TUBB6: variants seen among roughly 807,000 people sequenced by gnomAD.
TUBB6 encodes the protein tubulin beta 6 class V, also known as tubulin beta-6 chain.
TUBB6 carries 18 observed loss-of-function variants against 32.3 expected under a neutral mutation model. The ratio of observed to expected loss-of-function variants is 0.56; its 90% CI spans 0.39 to 0.83. TUBB6 has a LOEUF of 0.83. Ranked by LOEUF, TUBB6 falls within the 40% of genes least tolerant of loss-of-function variation. TUBB6 has a pLI of 0.00. For missense variants in TUBB6, 480 were observed against 632.0 expected, an observed-to-expected ratio of 0.76 and a Z score of 2.58; for synonymous variants, 280 against 265.8, an observed-to-expected ratio of 1.05 and a Z score of -0.52.
At chr18:12,308,544 C>T in intron 1 of TUBB6, 143 bp from the exon 2 acceptor site, 1 of 750,964 alleles carries the variant, frequency 1.3e-6, no homozygotes, top group African/African-American at 1.8e-5. Flanking sequence ...CTTCGCTCCC[C>T]ACCCCCATCC....
chr18:12,308,788 G>GTCA lies in TUBB6; in HGVS notation c.162_164dup (p.Ser56dup). ...AGAGAATCAACGTCTACTACAATGA[G>GTCA]TCATCGTGTGAGTAGCAAGGCCGCC... On this transcript the variant is annotated inframe_insertion, in exon 2 of 4. Coordinates refer to ENST00000317702, the MANE Select transcript of TUBB6 (RefSeq NM_032525.3). 1 of 1,602,494 alleles carries GTCA rather than the reference G, an allele frequency of 6.2e-7. No individual in the cohort carries two copies. Among genetic ancestry groups the GTCA allele is most frequent in the Non-Finnish European group, 8.5e-7 (1 of 1,169,812 alleles).
intron 1 of TUBB6, 123 bp downstream of exon 1, chr18:12,308,472 C>A: frequency 2.2e-6 from 2 of 895,790 alleles, no homozygotes; most frequent in Non-Finnish European, 3.0e-6. Context: ...GAGCCCGGTG[C>A]GGACCCGCGA....
downstream of TUBB6, chr18:12,329,634 G>A (rs752423559): frequency 9.3e-6 from 15 of 1,613,982 alleles, no homozygotes; most frequent in Admixed American, 1.7e-5. Context: ...AGTCCTTAAG[G>A]CCTTCTGGAA....
chr18:12,308,151 CG>C, upstream of TUBB6: 1 of 343,206 alleles, frequency 2.9e-6, no homozygotes, highest in Non-Finnish European at 4.1e-6. Context: ...CGAGCGGGGG[CG>C]GCGGGGCGGG....
chr18:12,308,880 C>T, intron 2 of TUBB6, 85 bp downstream of exon 2: 1 of 906,146 alleles, frequency 1.1e-6, no homozygotes, highest in Non-Finnish European at 1.8e-6. Context: ...GAGTTTGCTT[C>T]GGGAAAAGTT....
At position 12,308,308 on chromosome 18, in the gene TUBB6, C is replaced by T; in HGVS notation, c.16C>T (p.His6Tyr). 6.7e-7 allele frequency: 1 copy of T among 1,481,958 alleles called. No homozygotes were observed. The allele number at this position is 1,481,958 out of a possible 1,614,324, so 91.8% of individuals were successfully genotyped here. A position where few individuals can be genotyped will look rare whatever the true frequency, so the allele number is the denominator to read the frequency against. The change falls in exon 1 of 4, where the codon CAC becomes TAC. Residue 6 changes from histidine to tyrosine, a missense_variant. Coordinates refer to ENST00000317702, the MANE Select transcript of TUBB6 (RefSeq NM_032525.3). The part of the protein sequence containing the change: MREIV[H>Y]IQAGQCGNQI... ...CGCGCCCGCCATGAGGGAGATCGTG[C>T]ACATCCAGGCGGGCCAGTGCGGGAA...
At chr18:12,313,364 A>C (rs996093046) in intron 3 of TUBB6, among the ~76,000 whole-genome samples, 9 of 152,222 alleles carry the variant, frequency 5.9e-5, no homozygotes, top group Non-Finnish European at 1.2e-4. Context: ...TAGCACTTAC[A>C]AGACTTCAGT....
At chr18:12,329,153 G>A (rs1455647243), downstream of TUBB6, 1 of 702,872 alleles carries the variant, frequency 1.4e-6, no homozygotes, top group Non-Finnish European at 2.6e-6. Context: ...CAGCCCATCT[G>A]CACAGGGGAA....
chr18:12,308,272 T>A lies in TUBB6; in HGVS notation c.-21T>A. 7.0e-7 allele frequency: 1 copy of A among 1,431,970 alleles called. No homozygotes were observed. The highest frequency in any genetic ancestry group is 9.2e-7 in the Non-Finnish European group (1 of 1,086,784). The allele number at this position is 1,431,970 out of a possible 1,614,324, so 88.7% of individuals were successfully genotyped here. On this transcript the variant is annotated 5_prime_UTR_variant, in exon 1 of 4. Transcript: ENST00000317702. ...CGCTGTCGTCCGCAGAGCCAGTTCC[T>A]AGCGCAGAGCCGCGCCCGCCATGAG...
downstream of TUBB6, among the ~76,000 whole-genome samples, chr18:12,326,860 T>C (rs1347242498): frequency 6.6e-6 from 1 of 152,138 alleles, no homozygotes; most frequent in East Asian, 1.9e-4. Context: ...TTCCCCAACC[T>C]TGTAGGGGAA....
At chr18:12,313,448 G>T (rs1203335763) in intron 3 of TUBB6, among the ~76,000 whole-genome samples, 2 of 152,156 alleles carry the variant, frequency 1.3e-5, no homozygotes, top group Non-Finnish European at 2.9e-5. Flanking sequence ...TTTCTGATTT[G>T]CCTGGAACTG....
At chr18:12,320,421 G>A (rs1185884018) in intron 3 of TUBB6, 2 of 151,910 alleles carry the variant, frequency 1.3e-5, no homozygotes, top group African/African-American at 4.8e-5. Context: ...TTGCTAGCTA[G>A]CTAGGTAAAA....
intron 3 of TUBB6, among the ~76,000 whole-genome samples, chr18:12,313,847 A>T (rs1054133282): frequency 6.6e-6 from 1 of 152,202 alleles, no homozygotes; most frequent in African/African-American, 2.4e-5. Context: ...GGCCTCCAGA[A>T]GAGCTGAATC....
rs1333139411 is a variant in TUBB6, at chr18:12,324,708, C to T, written c.278-359C>T. 2.6e-6 allele frequency: 3 copies of T among 1,136,424 alleles called. No individual in the cohort carries two copies. The African/African-American group carries it at 4.8e-5, about 18-fold the overall frequency. 70.4% of individuals were successfully genotyped at this position (1,136,424 alleles called of 1,614,324 possible). A position where few individuals can be genotyped will look rare whatever the true frequency, so the allele number is the denominator to read the frequency against. ...TCAAGTGATCCACCCGCCTCGGCCT[C>T]CCAAAGTGCTGGGATTACAGGCATG... On this transcript the variant is annotated intron_variant, in intron 3 of 3. Transcript: ENST00000317702.
At chr18:12,321,123 G>C (rs1465215091) in intron 3 of TUBB6, among the ~76,000 whole-genome samples, 1 of 152,152 alleles carries the variant, frequency 6.6e-6, no homozygotes, top group African/African-American at 2.4e-5. Flanking sequence ...TATGTTTATA[G>C]CCTTTGCCTG....
intron 3 of TUBB6, among the ~76,000 whole-genome samples, chr18:12,322,956 T>C (rs1029873932): frequency 6.6e-6 from 1 of 152,192 alleles, no homozygotes; most frequent in Non-Finnish European, 1.5e-5. Context: ...TTATATTGTT[T>C]CCAGAAATTA....
chr18:12,323,700 T>G (rs7504693), intron 3 of TUBB6, among the ~76,000 whole-genome samples: 149,957 of 152,112 alleles, frequency 0.99, 73,948 homozygotes, highest in East Asian at 1. Flanking sequence ...CACAGCTACT[T>G]GGGAGGCTGA....
At chr18:12,329,238 A>G, downstream of TUBB6, 1 of 702,438 alleles carries the variant, frequency 1.4e-6, no homozygotes, top group African/African-American at 1.7e-5. Context: ...GTCCAGTGCA[A>G]CGATCCCTGC....
chr18:12,319,416 G>A (rs1906858512), intron 3 of TUBB6, among the ~76,000 whole-genome samples: 1 of 152,020 alleles, frequency 6.6e-6, no homozygotes, highest in Non-Finnish European at 1.5e-5. Flanking sequence ...AAAGTACTGG[G>A]ATTACAGGTG....
Sources: gnomAD v4.1 joint callset for allele counts (sites outside exome capture counted in the v4.1 genomes callset) on GRCh38, gnomAD v4.1.1 for gene constraint, MANE v1.5 for transcripts, NCBI Gene and HGNC (gene_info 2026-07-23, HGNC 2026-07-21) for gene names.